MBOAT1: variants seen among roughly 807,000 people sequenced by gnomAD.
MBOAT1 encodes membrane bound glycerophospholipid O-acyltransferase 1.
MBOAT1 carries 67 observed loss-of-function variants against 64.4 expected under a neutral mutation model. The ratio of observed to expected loss-of-function variants is 1.04; its 90% CI spans 0.85 to 1.27. MBOAT1 has a LOEUF of 1.27. Ranked by LOEUF, MBOAT1 falls within the 50% of genes most tolerant of loss-of-function variation. The pLI, the probability that MBOAT1 is intolerant of heterozygous loss-of-function variation, is 0.00. For synonymous variants in MBOAT1, 229 were observed against 218.9 expected (o/e 1.05, Z -0.41); for missense variants, 563 against 604.6 (o/e 0.93, Z 0.72).
At chr6:20,131,649 A>G (rs1581411056) in intron 4 of MBOAT1, among the ~76,000 whole-genome samples, 2 of 152,270 alleles carry the variant, frequency 1.3e-5, no homozygotes, top group African/African-American at 2.4e-5. Context: ...CTTTCATTCT[A>G]TTTTTCTGGA....
chr6:20,133,169 T>C (rs1440597914), intron 4 of MBOAT1, among the ~76,000 whole-genome samples: 2 of 152,196 alleles, frequency 1.3e-5, no homozygotes, highest in African/African-American at 4.8e-5. Flanking sequence ...ATTGCTAATG[T>C]TGTACATGAG....
At chr6:20,108,031 C>G (rs149981086) in intron 12 of MBOAT1, among the ~76,000 whole-genome samples, 304 of 152,168 alleles carry the variant, frequency 2.0e-3, no homozygotes, top group African/African-American at 6.7e-3. Flanking sequence ...TAGGTGGGCA[C>G]AAGGAGGCAG....
At chr6:20,122,165 C>G (rs775814020) in intron 8 of MBOAT1, among the ~76,000 whole-genome samples, 2 of 151,822 alleles carry the variant, frequency 1.3e-5, no homozygotes, top group Non-Finnish European at 2.9e-5. Context: ...AACTCCATCT[C>G]AAAAAAATAT....
At chr6:20,201,319 A>T (rs1288810152) in intron 1 of MBOAT1, among the ~76,000 whole-genome samples, 1 of 151,490 alleles carries the variant, frequency 6.6e-6, no homozygotes, top group Non-Finnish European at 1.5e-5. Context: ...CCTAAGAGAC[A>T]CTGTTAAGTT....
At chr6:20,180,695 T>C (rs1215548447) in intron 1 of MBOAT1, among the ~76,000 whole-genome samples, 1 of 152,232 alleles carries the variant, frequency 6.6e-6, no homozygotes, top group Non-Finnish European at 1.5e-5. Flanking sequence ...ACTTTAAATA[T>C]GAATTTCTGG....
Position 20,194,123 on chromosome 6 carries a change from C to CTA in MBOAT1, c.99+18012_99+18013insTA, listed in dbSNP as rs11458383. ...TACATAAATTGCACAACCAGTGATC[C>CTA]AAAAAAAAAAGCACGCATTTTTAAA... On this transcript the variant is annotated intron_variant, in intron 1 of 12. Transcript: ENST00000324607. Among the ~76,000 whole-genome samples, 139 of 150,932 alleles carry CTA rather than the reference C, an allele frequency of 9.2e-4. 1 individual carries two copies. Among genetic ancestry groups the CTA allele is most frequent in the African/African-American group, 3.0e-3 (123 of 41,286 alleles).
At chr6:20,210,778 T>G (rs916313401) in intron 1 of MBOAT1, among the ~76,000 whole-genome samples, 1 of 152,200 alleles carries the variant, frequency 6.6e-6, no homozygotes, top group African/African-American at 2.4e-5. Context: ...TCCTGGAGTC[T>G]TTCTAGCTGT....
At chr6:20,195,298 A>G (rs992230866) in intron 1 of MBOAT1, among the ~76,000 whole-genome samples, 2 of 151,884 alleles carry the variant, frequency 1.3e-5, no homozygotes, top group Non-Finnish European at 2.9e-5. Flanking sequence ...ATGCTTTTTT[A>G]CTTTGTTGCT....
At chr6:20,110,135 T>G (rs2328400) in intron 11 of MBOAT1, among the ~76,000 whole-genome samples, 34,897 of 151,230 alleles carry the variant, frequency 0.23, 4,604 homozygotes, top group African/African-American at 0.36. Flanking sequence ...GGTCTCGAAT[T>G]CCTGACCTTG....
At chr6:20,140,708 C>T (rs1269596401) in intron 4 of MBOAT1, among the ~76,000 whole-genome samples, 1 of 152,192 alleles carries the variant, frequency 6.6e-6, no homozygotes, top group Non-Finnish European at 1.5e-5. Context: ...GGATCTCTAG[C>T]TCACAGATGG....
intron 1 of MBOAT1, among the ~76,000 whole-genome samples, chr6:20,160,868 T>C (rs1761833152): frequency 6.6e-6 from 1 of 152,216 alleles, no homozygotes; most frequent in South Asian, 2.1e-4. Context: ...GCAGGAAGTA[T>C]TTTTAAATCT....
intron 12 of MBOAT1, among the ~76,000 whole-genome samples, chr6:20,107,793 G>GAAA (rs753494826): frequency 7.1e-6 from 1 of 141,802 alleles, no homozygotes; most frequent in African/African-American, 2.6e-5. Flanking sequence ...GGGCTTACAG[G>GAAA]AAAAAAAAAA....
chr6:20,150,825 G>A (rs1341015271), intron 3 of MBOAT1, among the ~76,000 whole-genome samples: 1 of 150,800 alleles, frequency 6.6e-6, no homozygotes, highest in Non-Finnish European at 1.5e-5. Flanking sequence ...CAGGCAATCT[G>A]CCCACCTCTG....
chr6:20,151,119 A>T, intron 3 of MBOAT1, 66 bp downstream of exon 3: 1 of 1,176,412 alleles, frequency 8.5e-7, no homozygotes, highest in Non-Finnish European at 1.3e-6. Context: ...TTACACTGGA[A>T]ATATATTTCA....
At chr6:20,206,767 C>A (rs1442954481) in intron 1 of MBOAT1, among the ~76,000 whole-genome samples, 1 of 152,154 alleles carries the variant, frequency 6.6e-6, no homozygotes, top group African/African-American at 2.4e-5. Context: ...CCATCAAATA[C>A]AAATACCCCA....
chr6:20,205,797 C>T (rs1763245748), intron 1 of MBOAT1, among the ~76,000 whole-genome samples: 1 of 152,134 alleles, frequency 6.6e-6, no homozygotes, highest in African/African-American at 2.4e-5. Context: ...TCTTCAGAAC[C>T]ACAGAGGAAC....
At chr6:20,153,064 G>C (rs1346885091) in intron 1 of MBOAT1, among the ~76,000 whole-genome samples, 1 of 152,152 alleles carries the variant, frequency 6.6e-6, no homozygotes, top group East Asian at 1.9e-4. Flanking sequence ...TCGATCTCCT[G>C]ACCTCCTGAT....
intron 1 of MBOAT1, among the ~76,000 whole-genome samples, chr6:20,195,024 T>C (rs56307159): frequency 0.032 from 4,833 of 152,082 alleles, 264 homozygotes; most frequent in African/African-American, 0.11. Context: ...CAATCATGGC[T>C]TCACTGGAAC....
At chr6:20,160,418 A>T (rs1253150473) in intron 1 of MBOAT1, among the ~76,000 whole-genome samples, 2 of 152,220 alleles carry the variant, frequency 1.3e-5, no homozygotes, top group Non-Finnish European at 2.9e-5. Flanking sequence ...AGCAACAGGC[A>T]ACTGTCCAGG....
Sources: gnomAD v4.1 joint callset for allele counts (sites outside exome capture counted in the v4.1 genomes callset) on GRCh38, gnomAD v4.1.1 for gene constraint, MANE v1.5 for transcripts, NCBI Gene and HGNC (gene_info 2026-07-23, HGNC 2026-07-21) for gene names.